NEGR1: variants seen among roughly 807,000 people sequenced by gnomAD.
NEGR1 encodes IgLON family member 4.
In NEGR1, 10 loss-of-function variants were observed where a neutral mutation model predicts 40.9. The ratio of observed to expected loss-of-function variants is 0.24; its 90% CI spans 0.15 to 0.42. The LOEUF (loss-of-function observed/expected upper bound fraction) is 0.42, where lower values mean the gene tolerates loss of function less well. Among genes scored for constraint, NEGR1 ranks in the 10% least tolerant of loss-of-function variants. The pLI, the probability that NEGR1 is intolerant of heterozygous loss-of-function variation, is 1.00. For synonymous variants in NEGR1, 185 were observed against 166.8 expected (o/e 1.11, Z -0.84); for missense variants, 352 against 438.9 (o/e 0.80, Z 1.77).
At chr1:71,602,497 C>T (rs377643759) in intron 5 of NEGR1, among the ~76,000 whole-genome samples, 31 of 151,796 alleles carry the variant, frequency 2.0e-4, no homozygotes, top group African/African-American at 7.2e-4. Context: ...GTGATCCGCC[C>T]GCCTCGGCCT....
At chr1:72,078,639 T>TTTA (rs1647854090) in intron 1 of NEGR1, among the ~76,000 whole-genome samples, 3 of 123,602 alleles carry the variant, frequency 2.4e-5, no homozygotes, top group African/African-American at 8.9e-5. Flanking sequence ...ATATATATAT[T>TTTA]TATTTATTTT....
intron 1 of NEGR1, among the ~76,000 whole-genome samples, chr1:72,146,654 G>T (rs1249945823): frequency 6.6e-6 from 1 of 151,818 alleles, no homozygotes; most frequent in Non-Finnish European, 1.5e-5. Flanking sequence ...TTTAGACTTG[G>T]GTTCCATCCC....
At chr1:71,634,130 T>C (rs141042264) in intron 4 of NEGR1, among the ~76,000 whole-genome samples, 90 of 152,154 alleles carry the variant, frequency 5.9e-4, no homozygotes, top group African/African-American at 2.1e-3. Context: ...GCTTTAGGTC[T>C]TAGGTTTAGG....
At chr1:72,034,321 A>G (rs1204130741) in intron 1 of NEGR1, among the ~76,000 whole-genome samples, 1 of 152,202 alleles carries the variant, frequency 6.6e-6, no homozygotes, top group Non-Finnish European at 1.5e-5. Flanking sequence ...TTGTGCATGC[A>G]GGTGTGATCA....
At chr1:71,765,606 A>G (rs1183361957) in intron 3 of NEGR1, among the ~76,000 whole-genome samples, 3 of 151,932 alleles carry the variant, frequency 2.0e-5, no homozygotes, top group Admixed American at 2.0e-4. Context: ...ATTTACTCCA[A>G]TCTTCCATAT....
At chr1:71,423,857 T>G (rs1646412867) in intron 6 of NEGR1, among the ~76,000 whole-genome samples, 1 of 149,420 alleles carries the variant, frequency 6.7e-6, no homozygotes, top group Non-Finnish European at 1.5e-5. Context: ...ATTAGTTGCA[T>G]TCAGAACATT....
intron 6 of NEGR1, among the ~76,000 whole-genome samples, chr1:71,456,933 C>T (rs1646676863): frequency 6.6e-6 from 1 of 152,142 alleles, no homozygotes; most frequent in Non-Finnish European, 1.5e-5. Context: ...CTCAGTTTGC[C>T]TGGGACTTTA....
chr1:71,758,294 T>C (rs2101696211), intron 3 of NEGR1, among the ~76,000 whole-genome samples: 1 of 152,244 alleles, frequency 6.6e-6, no homozygotes, highest in South Asian at 2.1e-4. Context: ...TTATTAGTTT[T>C]ATTAATGTTT....
chr1:71,999,833 CTTTA>C (rs1277538862), intron 1 of NEGR1, among the ~76,000 whole-genome samples: 2 of 150,722 alleles, frequency 1.3e-5, no homozygotes, highest in Non-Finnish European at 3.0e-5. Context: ...AGGTTTAGTA[CTTTA>C]TTTACTTTGT....
At chr1:71,942,455 C>CTATCTATATATA (rs1342537095) in intron 1 of NEGR1, among the ~76,000 whole-genome samples, 4 of 21,298 alleles carry the variant, frequency 1.9e-4, no homozygotes, top group Admixed American at 1.3e-3. Flanking sequence ...TTCTTTAAAT[C>CTATCTATATATA]TATATATATA....
chr1:72,073,792 AT>A (rs749490944), intron 1 of NEGR1, among the ~76,000 whole-genome samples: 4 of 151,404 alleles, frequency 2.6e-5, no homozygotes, highest in East Asian at 3.9e-4. Context: ...GCAGTAAATC[AT>A]TTTTTTTCCA....
intron 6 of NEGR1, among the ~76,000 whole-genome samples, chr1:71,462,825 A>G (rs1037536546): frequency 6.6e-6 from 1 of 152,176 alleles, no homozygotes; most frequent in African/African-American, 2.4e-5. Context: ...GGCAAAATTA[A>G]GAAGACTTAG....
intron 6 of NEGR1, among the ~76,000 whole-genome samples, chr1:71,541,832 C>T (rs936189651): frequency 9.2e-5 from 14 of 151,726 alleles, no homozygotes; most frequent in African/African-American, 3.1e-4. Context: ...AGGAGCAAAG[C>T]CATGAAGGGT....
At chr1:71,779,246 T>A (rs1237753967) in intron 2 of NEGR1, among the ~76,000 whole-genome samples, 1 of 152,236 alleles carries the variant, frequency 6.6e-6, no homozygotes, top group Non-Finnish European at 1.5e-5. Context: ...CATATTCAGT[T>A]TAAGCCTTCC....
At chr1:71,815,292 C>T (rs1185142004) in intron 2 of NEGR1, among the ~76,000 whole-genome samples, 1 of 151,946 alleles carries the variant, frequency 6.6e-6, no homozygotes, top group Non-Finnish European at 1.5e-5. Flanking sequence ...GATTTCAGTT[C>T]TTTTGCATTT....
intron 1 of NEGR1, among the ~76,000 whole-genome samples, chr1:72,256,597 G>A (rs1447068430): frequency 6.6e-6 from 1 of 152,164 alleles, no homozygotes; most frequent in Non-Finnish European, 1.5e-5. Context: ...TTCCTAACAT[G>A]TAATTCATTA....
chr1:71,814,893 G>A (rs935580733), intron 2 of NEGR1, among the ~76,000 whole-genome samples: 1 of 151,872 alleles, frequency 6.6e-6, no homozygotes, highest in Non-Finnish European at 1.5e-5. Flanking sequence ...AGATTTTTGT[G>A]TCACTTTCTC....
intron 1 of NEGR1, among the ~76,000 whole-genome samples, chr1:72,250,076 G>A (rs1301502960): frequency 6.6e-6 from 1 of 152,170 alleles, no homozygotes; most frequent in Non-Finnish European, 1.5e-5. Flanking sequence ...AAAGTATAAT[G>A]TGGGTAGGTC....
chr1:71,808,371 G>T (rs1195367513), intron 2 of NEGR1, among the ~76,000 whole-genome samples: 1 of 152,058 alleles, frequency 6.6e-6, no homozygotes, highest in African/African-American at 2.4e-5. Flanking sequence ...TATAGATGGT[G>T]GAGATGAAAA....
Sources: gnomAD v4.1 joint callset for allele counts (sites outside exome capture counted in the v4.1 genomes callset) on GRCh38, gnomAD v4.1.1 for gene constraint, MANE v1.5 for transcripts, NCBI Gene and HGNC (gene_info 2026-07-23, HGNC 2026-07-21) for gene names.